Variants in NUP153 observed in about 807,000 individuals in gnomAD.
The protein encoded by NUP153 is nuclear pore complex protein Nup153.
Under a neutral mutation model 134.6 loss-of-function variants are expected in NUP153, and 27 were observed. The ratio of observed to expected loss-of-function variants is 0.20; its 90% CI spans 0.15 to 0.28. The LOEUF (loss-of-function observed/expected upper bound fraction) is 0.28, where lower values mean the gene tolerates loss of function less well. Ranked by LOEUF, NUP153 falls within the 10% of genes least tolerant of loss-of-function variation. The pLI, the probability that NUP153 is intolerant of heterozygous loss-of-function variation, is 1.00. For missense variants in NUP153, 1,821 were observed against 1,731.3 expected (o/e 1.05, Z -0.92); for synonymous variants, 640 against 623.5 (o/e 1.03, Z -0.40).
chr6:17,679,234 T>A (rs894396011), intron 2 of NUP153, among the ~76,000 whole-genome samples: 3 of 152,208 alleles, frequency 2.0e-5, no homozygotes, highest in African/African-American at 4.8e-5. Context: ...AATGTGTTTC[T>A]AGGCACTAAT....
intron 1 of NUP153, among the ~76,000 whole-genome samples, chr6:17,690,391 T>A (rs1581770491): frequency 6.6e-6 from 1 of 150,642 alleles, no homozygotes; most frequent in Non-Finnish European, 1.5e-5. Flanking sequence ...AAAAAAAAAG[T>A]ATGGGCTTTG....
At chr6:17,620,585 G>A (rs1311880513) in intron 20 of NUP153, among the ~76,000 whole-genome samples, 2 of 152,216 alleles carry the variant, frequency 1.3e-5, no homozygotes, top group Non-Finnish European at 2.9e-5. Context: ...TCTAAGCCAA[G>A]CTTGTCCAAC....
intron 1 of NUP153, among the ~76,000 whole-genome samples, chr6:17,692,086 A>C (rs1769313149): frequency 6.6e-6 from 1 of 152,240 alleles, no homozygotes; most frequent in Non-Finnish European, 1.5e-5. Flanking sequence ...CAAGTATAGA[A>C]CAACTTTAAA....
intron 14 of NUP153, among the ~76,000 whole-genome samples, chr6:17,643,548 A>G (rs1765969854): frequency 6.6e-6 from 1 of 152,230 alleles, no homozygotes; most frequent in Non-Finnish European, 1.5e-5. Flanking sequence ...ATCACGTTCT[A>G]TCTTCCTTTA....
rs1388282824 is a variant in NUP153 at position 17,706,566 on chromosome 6, GGTGA to G, written c.-183_-180del. 5.1e-6 allele frequency: 3 copies of G among 588,382 alleles called. No individual in the cohort carries two copies. The highest frequency in any genetic ancestry group is 2.0e-5 in the African/African-American group (1 of 50,940). The allele number at this position is 588,382 out of a possible 1,614,324, so 36.4% of individuals were successfully genotyped here. On this transcript the variant is annotated 5_prime_UTR_variant, in exon 1 of 22. Transcript: ENST00000262077. The surrounding 1 kb of genome is among the most constrained non-coding windows in gnomAD (Gnocchi z 5.9). ...AGGTTGCGAGCAGGAGCGGAGAGAG[GGTGA>G]GTGCTGGCAGCGGGGAAGGGGGTGG...
Position 17,615,966 on chromosome 6 carries a change from A to T in NUP153, c.*131T>A, listed in dbSNP as rs1006394836. On this transcript the variant is annotated 3_prime_UTR_variant, in exon 22 of 22. Transcript: ENST00000262077. The surrounding 1 kb of genome is among the most constrained non-coding windows in gnomAD (Gnocchi z 5.7). ...GGGCTTCTGTAACGAAAGAGAAAGG[A>T]GGAAAATTCCAAAATTAAAGAAGTC... 6.5e-5 allele frequency: 38 copies of T among 587,578 alleles called. No homozygotes were observed. Among genetic ancestry groups the T allele is most frequent in the Non-Finnish European group, 1.0e-4 (35 of 338,472 alleles). The allele number at this position is 587,578 out of a possible 1,614,324, so 36.4% of individuals were successfully genotyped here. A position where few individuals can be genotyped will look rare whatever the true frequency, so the allele number is the denominator to read the frequency against.
chr6:17,676,063 G>A (rs1267204484), intron 2 of NUP153, among the ~76,000 whole-genome samples: 1 of 152,070 alleles, frequency 6.6e-6, no homozygotes, highest in East Asian at 1.9e-4. Context: ...TCACTTTTTT[G>A]ATGGTGTATT....
chr6:17,685,876 G>T (rs950663846), intron 2 of NUP153, among the ~76,000 whole-genome samples: 4 of 152,032 alleles, frequency 2.6e-5, no homozygotes, highest in Non-Finnish European at 4.4e-5. Flanking sequence ...ACTCACAGGT[G>T]GTGGCTCACA....
intron 16 of NUP153, 87 bp downstream of exon 16, chr6:17,637,065 GA>G: frequency 7.7e-7 from 1 of 1,301,046 alleles, no homozygotes; most frequent in Non-Finnish European, 1.1e-6. Context: ...TGCTCATCCT[GA>G]AACATCTAAA....
chr6:17,666,971 C>G (rs910781975), intron 8 of NUP153, among the ~76,000 whole-genome samples: 7 of 152,190 alleles, frequency 4.6e-5, no homozygotes, highest in Admixed American at 4.6e-4. Flanking sequence ...GTAGACTGTT[C>G]TGATAACATC....
Position 17,615,394 on chromosome 6 carries a change from T to C in NUP153, c.*703A>G, listed in dbSNP as rs1764261141. On this transcript the variant is annotated 3_prime_UTR_variant, in exon 22 of 22. Coordinates refer to ENST00000262077, the MANE Select transcript of NUP153 (RefSeq NM_005124.4). The surrounding 1 kb of genome is among the most constrained non-coding windows in gnomAD (Gnocchi z 5.7). ...AAAATTCAAATTTCAAGTTCACAGA[T>C]TTATGTTATGCCAAAAAGTACAGAA... 1 of 152,604 alleles carries C rather than the reference T, an allele frequency of 6.6e-6. No homozygotes were observed. The highest frequency in any genetic ancestry group is 1.5e-5 in the Non-Finnish European group (1 of 68,038). 9.5% of individuals were successfully genotyped at this position (152,604 alleles called of 1,614,324 possible).
At chr6:17,678,352 C>CAAAAAAAAAAAAAAAAAAAAAAAA (rs11428582) in intron 2 of NUP153, among the ~76,000 whole-genome samples, 13 of 68,224 alleles carry the variant, frequency 1.9e-4, no homozygotes, top group South Asian at 5.6e-4. Flanking sequence ...CCCTCTGTCT[C>CAAAAAAAAAAAAAAAAAAAAAAAA]AAAAAAAAAA....
chr6:17,631,676 T>C (rs1561859268), intron 17 of NUP153, among the ~76,000 whole-genome samples: 1 of 152,186 alleles, frequency 6.6e-6, no homozygotes, highest in Non-Finnish European at 1.5e-5. Flanking sequence ...TTGAAAAATC[T>C]GGCCTCCAGA....
chr6:17,619,499 C>G (rs1048835164), intron 20 of NUP153: 3 of 152,172 alleles, frequency 2.0e-5, no homozygotes, highest in African/African-American at 7.2e-5. Context: ...GTAGGAGGAA[C>G]AGGTTAAAAG....
chr6:17,696,318 T>C (rs1769640399), intron 1 of NUP153, among the ~76,000 whole-genome samples: 2 of 152,198 alleles, frequency 1.3e-5, no homozygotes. Flanking sequence ...AAAAGGTTCC[T>C]TTGACCTTAC....
chr6:17,626,293 A>G, intron 18 of NUP153, 129 bp from the exon 19 acceptor site: 1 of 647,680 alleles, frequency 1.5e-6, no homozygotes, highest in South Asian at 2.0e-5. Flanking sequence ...TTTTATATAG[A>G]TTACTTCATC....
At chr6:17,661,800 TA>T (rs766804663) in intron 10 of NUP153, 21 bp from the exon 11 acceptor site, 5 of 1,605,268 alleles carry the variant, frequency 3.1e-6, no homozygotes, top group Non-Finnish European at 4.3e-6. Flanking sequence ...AAAAGAAAAT[TA>T]AAACAACTGA....
chr6:17,674,396 A>C lies in NUP153; in HGVS notation c.852+509T>G, dbSNP rs527302339. Among the ~76,000 whole-genome samples the C allele has an allele frequency of 2.5e-4, 38 of 152,340 alleles. No homozygotes were observed. The South Asian group carries it at 7.7e-3, about 31-fold the overall frequency. ...TATCTAATACATAAAACACTCACTT[A>C]GGTCTAAAATAATGTTTATATACCC... is the stretch of plus-strand genomic sequence containing the variant. On this transcript the variant is annotated intron_variant, in intron 5 of 21. Coordinates refer to ENST00000262077, the MANE Select transcript of NUP153 (RefSeq NM_005124.4).
chr6:17,705,555 C>G (rs1224492205), intron 1 of NUP153, among the ~76,000 whole-genome samples: 1 of 137,770 alleles, frequency 7.3e-6, no homozygotes, highest in Non-Finnish European at 1.5e-5. Flanking sequence ...CCAATTCCAG[C>G]CTCCAAAATA....
Sources: gnomAD v4.1 joint callset for allele counts (sites outside exome capture counted in the v4.1 genomes callset) on GRCh38, gnomAD v4.1.1 for gene constraint, Gnocchi (gnomAD v3.1) non-coding constraint, MANE v1.5 for transcripts, NCBI Gene and HGNC (gene_info 2026-07-23, HGNC 2026-07-21) for gene names.